The following PPP3R1 variants were observed in gnomAD, a reference collection of about 807,000 sequenced individuals.
The protein encoded by PPP3R1 is calcineurin subunit B type 1.
Under a neutral mutation model 22.6 loss-of-function variants are expected in PPP3R1, and 5 were observed. That is an observed-to-expected ratio of 0.22 (90% CI 0.12 to 0.46). The LOEUF (loss-of-function observed/expected upper bound fraction) is 0.46, where lower values mean the gene tolerates loss of function less well. Ranked by LOEUF, PPP3R1 falls within the 20% of genes least tolerant of loss-of-function variation. The probability of loss-of-function intolerance (pLI) is 0.99; values close to 1 mark genes in which losing one functional copy is unlikely to be tolerated. For missense variants in PPP3R1, 61 were observed against 203.2 expected, an observed-to-expected ratio of 0.30 and a Z score of 4.25; for synonymous variants, 56 against 65.2, an observed-to-expected ratio of 0.86 and a Z score of 0.68.
intron 2 of PPP3R1, among the ~76,000 whole-genome samples, chr2:68,215,634 TAC>T (rs1157837116): frequency 6.6e-6 from 1 of 152,216 alleles, no homozygotes; most frequent in African/African-American, 2.4e-5. Context: ...CTGTGAGTTT[TAC>T]AGTTTCTACA....
intron 2 of PPP3R1, among the ~76,000 whole-genome samples, chr2:68,209,358 C>CAAAA (rs777851469): frequency 1.1e-3 from 45 of 41,692 alleles, no homozygotes; most frequent in South Asian, 1.4e-3. Context: ...GACTCTGTCT[C>CAAAA]AAAAAAAAAA....
At chr2:68,181,051 G>C (rs531362709) in intron 5 of PPP3R1, 41 bp from the exon 6 acceptor site, 1 of 1,578,222 alleles carries the variant, frequency 6.3e-7, no homozygotes, top group Admixed American at 1.7e-5. Flanking sequence ...CAGTGTCTGA[G>C]AAACTCCTCA....
chr2:68,250,570 G>A (rs1670328194), intron 1 of PPP3R1, among the ~76,000 whole-genome samples: 1 of 152,198 alleles, frequency 6.6e-6, no homozygotes, highest in Admixed American at 6.5e-5. Context: ...GCACTGAAAT[G>A]CAATTCTTCA....
intron 1 of PPP3R1, among the ~76,000 whole-genome samples, chr2:68,220,831 G>C (rs1243241140): frequency 6.6e-6 from 1 of 152,150 alleles, no homozygotes; most frequent in Admixed American, 6.5e-5. Flanking sequence ...AAAATGTAGA[G>C]ACTGGTGGGT....
intron 2 of PPP3R1, among the ~76,000 whole-genome samples, chr2:68,207,404 A>T (rs1023494551): frequency 9.9e-5 from 15 of 152,124 alleles, no homozygotes; most frequent in African/African-American, 3.6e-4. Context: ...AAGACTTACT[A>T]CTAAGTTCTG....
Position 68,252,349 on chromosome 2 carries a change from C to A in PPP3R1, c.-222G>T. 1 of 1,010,044 alleles carries A rather than the reference C, an allele frequency of 9.9e-7. No individual in the cohort carries two copies. Among genetic ancestry groups the A allele is most frequent in the Non-Finnish European group, 1.2e-6 (1 of 847,544 alleles). 62.6% of individuals were successfully genotyped at this position (1,010,044 alleles called of 1,614,324 possible). Reference sequence around the variant, plus strand: ...AGGGTAGGGGGAAATAAATTAAGGTCGAGATTCAGAGCCGGAGAGCGCGGG... The same window carrying A: ...AGGGTAGGGGGAAATAAATTAAGGTAGAGATTCAGAGCCGGAGAGCGCGGG... On this transcript the variant is annotated 5_prime_UTR_variant, in exon 1 of 6. Transcript: ENST00000234310.
chr2:68,181,919 T>A (rs1464058153), intron 5 of PPP3R1, among the ~76,000 whole-genome samples: 1 of 152,188 alleles, frequency 6.6e-6, no homozygotes, highest in Non-Finnish European at 1.5e-5. Context: ...GTGTAGTATC[T>A]GTATCATTTG....
At chr2:68,191,398 AAAAGT>A (rs1210819901) in intron 2 of PPP3R1, among the ~76,000 whole-genome samples, 15 of 152,250 alleles carry the variant, frequency 9.9e-5, no homozygotes, top group Non-Finnish European at 2.1e-4. Context: ...AAGGTACAGT[AAAAGT>A]ATAGTATGAA....
chr2:68,201,910 T>A (rs1674982722), intron 2 of PPP3R1, among the ~76,000 whole-genome samples: 2 of 152,344 alleles, frequency 1.3e-5, no homozygotes, highest in East Asian at 1.9e-4. Flanking sequence ...AGGGTTTTTT[T>A]ACTCTTGAAA....
At chr2:68,199,239 G>A (rs1349880686) in intron 2 of PPP3R1, among the ~76,000 whole-genome samples, 1 of 152,098 alleles carries the variant, frequency 6.6e-6, no homozygotes, top group Non-Finnish European at 1.5e-5. Context: ...TAGGATTACA[G>A]GCGTGAGCCA....
At chr2:68,206,776 GCTTA>G (rs1388566721) in intron 2 of PPP3R1, among the ~76,000 whole-genome samples, 4 of 152,110 alleles carry the variant, frequency 2.6e-5, no homozygotes, top group Non-Finnish European at 5.9e-5. Context: ...CTTGGTAGGT[GCTTA>G]CTTATCTGTG....
chr2:68,187,083 AT>A (rs1674561551), intron 4 of PPP3R1, among the ~76,000 whole-genome samples, 171 bp downstream of exon 4: 2 of 151,886 alleles, frequency 1.3e-5, no homozygotes, highest in African/African-American at 4.9e-5. Context: ...CATTATTCAA[AT>A]ATAGTAGTTG....
In PPP3R1 at chr2:68,179,474, A is replaced by C. The variant is rs139002103; in HGVS notation, c.*1489T>G. On this transcript the variant is annotated 3_prime_UTR_variant, in exon 6 of 6. Transcript: ENST00000234310. ...ATGTGCAGCACTCAGTTGAAGGAAC[A>C]GCGATGGCAGGCAGGTGTGCTCAAT... The C allele has an allele frequency of 3.9e-5, 6 of 152,604 alleles. No individual in the cohort carries two copies. Among genetic ancestry groups the C allele is most frequent in the African/African-American group, 1.4e-4 (6 of 41,598 alleles). 9.5% of individuals were successfully genotyped at this position (152,604 alleles called of 1,614,324 possible). A position where few individuals can be genotyped will look rare whatever the true frequency, so the allele number is the denominator to read the frequency against.
chr2:68,231,974 T>C (rs755407768), intron 1 of PPP3R1, among the ~76,000 whole-genome samples: 1 of 151,430 alleles, frequency 6.6e-6, no homozygotes, highest in Non-Finnish European at 1.5e-5. Context: ...TAAGATCTTA[T>C]TTAGGCTGGG....
At chr2:68,240,140 G>T (rs994193485) in intron 1 of PPP3R1, among the ~76,000 whole-genome samples, 4 of 152,174 alleles carry the variant, frequency 2.6e-5, no homozygotes, top group Admixed American at 2.6e-4. Context: ...AAGTCAAGGA[G>T]CATTTGTAAT....
rs80143179 is a variant in PPP3R1, at chr2:68,231,019, G to A, written c.4-13888C>T. Among the ~76,000 whole-genome samples the A allele has an allele frequency of 6.7e-3, 1,025 of 152,264 alleles. 13 individuals are homozygous for A. The highest frequency in any genetic ancestry group is 0.023 in the African/African-American group (949 of 41,556). On this transcript the variant is annotated intron_variant, in intron 1 of 5. Transcript: ENST00000234310. ...TGGCTTTTTAAAACTGTAGCTTAAT[G>A]TCTTTTGCCAAATTCGCAAAATTTT...
intron 1 of PPP3R1, among the ~76,000 whole-genome samples, chr2:68,249,649 T>C (rs1213102983): frequency 1.3e-5 from 2 of 151,478 alleles, no homozygotes; most frequent in Non-Finnish European, 1.5e-5. Context: ...TTTTTTAACA[T>C]ATAACCTTCA....
At chr2:68,244,567 G>A (rs1352021474) in intron 1 of PPP3R1, among the ~76,000 whole-genome samples, 4 of 152,026 alleles carry the variant, frequency 2.6e-5, no homozygotes, top group South Asian at 2.1e-4. Flanking sequence ...CTCTTTTAAT[G>A]TCTATCCTTT....
intron 2 of PPP3R1, 77 bp downstream of exon 2, chr2:68,217,015 C>T (rs1299793872): frequency 2.9e-6 from 2 of 679,900 alleles, no homozygotes; most frequent in South Asian, 2.2e-5. Flanking sequence ...GTATGATACA[C>T]ACACACACAC....
Sources: allele counts gnomAD v4.1 joint callset (sites outside exome capture counted in the v4.1 genomes callset), GRCh38; gene constraint gnomAD v4.1.1; transcripts MANE v1.5; gene names NCBI Gene and HGNC (gene_info 2026-07-23, HGNC 2026-07-21).